Variants in MYO16 observed in about 807,000 individuals in gnomAD.
MYO16 encodes the protein myosin XVI, also known as unconventional myosin-XVI.
Under a neutral mutation model 205.3 loss-of-function variants are expected in MYO16, and 94 were observed. The observed-to-expected ratio is 0.46, with a 90% CI of 0.39 to 0.54. The LOEUF is 0.54. Among genes scored for constraint, MYO16 ranks in the 20% least tolerant of loss-of-function variants. The pLI is 0.00. For synonymous variants in MYO16, 988 were observed against 954.0 expected (o/e 1.04, Z -0.66); for missense variants, 2,315 against 2,387.5 (o/e 0.97, Z 0.63).
At chr13:109,050,171 A>G (rs536788843) in intron 24 of MYO16, among the ~76,000 whole-genome samples, 5 of 152,178 alleles carry the variant, frequency 3.3e-5, no homozygotes, top group African/African-American at 1.2e-4. Context: ...TTAGTCTTTT[A>G]TGGTCATTTT....
rs1251893415 is a variant in MYO16, at chr13:109,120,538, A to G, written c.3535+72A>G. 11 of 1,160,090 alleles carry G rather than the reference A, an allele frequency of 9.5e-6. No homozygotes were observed. In the Admixed American group the frequency reaches 1.0e-4, roughly 11 times the overall value. 71.9% of individuals were successfully genotyped at this position (1,160,090 alleles called of 1,614,324 possible). A position where few individuals can be genotyped will look rare whatever the true frequency, so the allele number is the denominator to read the frequency against. ...TGCAAAATCTTTTAGTGCATCCCCA[A>G]GTTTAAATGTCGATGGGGTCTGCAC... On this transcript the variant is annotated intron_variant, in intron 29 of 34. Coordinates refer to ENST00000457511, the MANE Select transcript of MYO16 (RefSeq NM_001198950.3).
chr13:108,951,108 A>G (rs1427641055), intron 16 of MYO16, among the ~76,000 whole-genome samples: 2 of 151,982 alleles, frequency 1.3e-5, no homozygotes, highest in Admixed American at 6.5e-5. Context: ...TCTTATGATT[A>G]CGCGTAATAC....
At chr13:109,181,816 A>ATTTAT (rs1235332045) in intron 34 of MYO16, among the ~76,000 whole-genome samples, 1 of 126,260 alleles carries the variant, frequency 7.9e-6, no homozygotes, top group African/African-American at 3.5e-5. Flanking sequence ...TTATTTATTT[A>ATTTAT]TTTTATTTTA....
intron 4 of MYO16, among the ~76,000 whole-genome samples, chr13:108,758,813 C>T (rs1262422931): frequency 6.6e-6 from 1 of 152,146 alleles, no homozygotes; most frequent in Non-Finnish European, 1.5e-5. Flanking sequence ...GTTATAATAT[C>T]AGAATATTAC....
intron 1 of MYO16, among the ~76,000 whole-genome samples, chr13:108,648,025 GT>G (rs1880830248): frequency 6.6e-6 from 1 of 152,168 alleles, no homozygotes; most frequent in South Asian, 2.1e-4. Context: ...GAAGTTTATG[GT>G]CTATAGGGCA....
At chr13:108,912,159 C>T (rs948213406) in intron 16 of MYO16, among the ~76,000 whole-genome samples, 20 of 152,074 alleles carry the variant, frequency 1.3e-4, no homozygotes, top group East Asian at 3.9e-4. Context: ...ACCTCTGTCC[C>T]GCCACTGCTG....
At chr13:108,590,635 G>A in the MYO16 span, among the ~76,000 whole-genome samples, 37 of 152,216 alleles carry the variant, frequency 2.4e-4, no homozygotes, top group African/African-American at 8.7e-4. Flanking sequence ...GAGAGGAGGG[G>A]AGTTTGGACA....
chr13:108,910,378 G>GAA (rs5806767), intron 16 of MYO16, among the ~76,000 whole-genome samples: 1 of 152,162 alleles, frequency 6.6e-6, no homozygotes, highest in African/African-American at 2.4e-5. Flanking sequence ...TTTCAGATCA[G>GAA]AAAAAACTTG....
intron 1 of MYO16, among the ~76,000 whole-genome samples, chr13:108,657,125 A>T (rs1287326281): frequency 6.6e-6 from 1 of 152,244 alleles, no homozygotes; most frequent in East Asian, 1.9e-4. Context: ...TACATACTGT[A>T]GCTACAGAAA....
the MYO16 span, among the ~76,000 whole-genome samples, chr13:108,553,375 C>G: frequency 6.6e-6 from 1 of 152,176 alleles, no homozygotes; most frequent in Non-Finnish European, 1.5e-5. Flanking sequence ...CTATCATCAG[C>G]CTTCCCTTTG....
At chr13:108,798,895 C>T (rs1014576208) in intron 6 of MYO16, among the ~76,000 whole-genome samples, 2 of 140,772 alleles carry the variant, frequency 1.4e-5, no homozygotes, top group Non-Finnish European at 3.1e-5. Context: ...TTAGTAGAGA[C>T]GGGGTTTCAC....
chr13:109,183,770 C>A (rs1005942174), intron 34 of MYO16, among the ~76,000 whole-genome samples: 17 of 151,968 alleles, frequency 1.1e-4, no homozygotes, highest in Admixed American at 7.9e-4. Context: ...CGTAAGAAAC[C>A]ATTCATGGTC....
At chr13:108,815,117 A>C (rs979734726) in intron 7 of MYO16, among the ~76,000 whole-genome samples, 6 of 152,196 alleles carry the variant, frequency 3.9e-5, no homozygotes, top group African/African-American at 1.4e-4. Context: ...ATATTTGTAC[A>C]CTTCACACTA....
chr13:108,552,176 T>C, the MYO16 span, among the ~76,000 whole-genome samples: 1 of 152,202 alleles, frequency 6.6e-6, no homozygotes, highest in Non-Finnish European at 1.5e-5. Context: ...GTCATCTGGC[T>C]ACAGGCGTCT....
chr13:108,930,627 T>C (rs780354712), intron 16 of MYO16, among the ~76,000 whole-genome samples: 1 of 152,204 alleles, frequency 6.6e-6, no homozygotes, highest in African/African-American at 2.4e-5. Flanking sequence ...AAAAAAATTA[T>C]GCTAAGTTCC....
At chr13:108,816,702 T>A (rs1193096153) in intron 7 of MYO16, among the ~76,000 whole-genome samples, 1 of 152,066 alleles carries the variant, frequency 6.6e-6, no homozygotes, top group African/African-American at 2.4e-5. Flanking sequence ...GCATAAAAGG[T>A]GTTTGTTTTC....
chr13:108,822,359 G>C (rs79409848), intron 8 of MYO16, among the ~76,000 whole-genome samples: 1 of 152,008 alleles, frequency 6.6e-6, no homozygotes, highest in African/African-American at 2.4e-5. Context: ...ATCCCAGAAG[G>C]CCACATAACT....
chr13:108,822,957 A>G (rs969761686), intron 8 of MYO16, among the ~76,000 whole-genome samples, 168 bp from the exon 9 acceptor site: 1 of 152,180 alleles, frequency 6.6e-6, no homozygotes, highest in African/African-American at 2.4e-5. Flanking sequence ...TTTTAAAATG[A>G]CAGTACTTCA....
the MYO16 span, among the ~76,000 whole-genome samples, chr13:108,545,365 T>C: frequency 6.6e-6 from 1 of 152,262 alleles, no homozygotes; most frequent in Admixed American, 6.5e-5. Flanking sequence ...TAGTATTCCA[T>C]GGTGTATATG....
Sources: allele counts gnomAD v4.1 joint callset (sites outside exome capture counted in the v4.1 genomes callset), GRCh38; gene constraint gnomAD v4.1.1; transcripts MANE v1.5; gene names NCBI Gene and HGNC (gene_info 2026-07-23, HGNC 2026-07-21).